SEMA3D: variants seen among roughly 807,000 people sequenced by gnomAD.
SEMA3D encodes semaphorin-3D.
Under a neutral mutation model 100.1 loss-of-function variants are expected in SEMA3D, and 84 were observed. The observed-to-expected ratio is 0.84, with a 90% confidence interval of 0.70 to 1.01. SEMA3D has a LOEUF of 1.01. SEMA3D is among the 50% of genes least tolerant of loss of function. The pLI is 0.00. For synonymous variants in SEMA3D, 312 were observed against 320.7 expected, an observed-to-expected ratio of 0.97 and a Z score of 0.29; for missense variants, 875 against 934.1, an observed-to-expected ratio of 0.94 and a Z score of 0.82.
chr7:85,016,771 T>C (rs1383801486), intron 15 of SEMA3D, among the ~76,000 whole-genome samples: 1 of 149,432 alleles, frequency 6.7e-6, no homozygotes, highest in African/African-American at 2.5e-5. Flanking sequence ...TGTTTGTTTG[T>C]TTTCCTTTTC....
chr7:85,151,374 T>C (rs1426221918), intron 2 of SEMA3D, among the ~76,000 whole-genome samples: 2 of 151,954 alleles, frequency 1.3e-5, no homozygotes. Flanking sequence ...GTATAGAAGA[T>C]TTCTGGAAAT....
the SEMA3D span, among the ~76,000 whole-genome samples, chr7:85,201,353 C>T: frequency 2.0e-5 from 3 of 152,166 alleles, no homozygotes; most frequent in African/African-American, 7.2e-5. Flanking sequence ...TGCTGTGACT[C>T]TTCTCAGTAA....
chr7:85,180,904 G>T (rs973243867), intron 1 of SEMA3D, among the ~76,000 whole-genome samples: 4 of 152,138 alleles, frequency 2.6e-5, no homozygotes, highest in Non-Finnish European at 4.4e-5. Context: ...GCGGAGAAGT[G>T]ATGACTTTCT....
At chr7:85,165,100 G>T (rs541005308) in intron 1 of SEMA3D, among the ~76,000 whole-genome samples, 68 of 151,726 alleles carry the variant, frequency 4.5e-4, no homozygotes, top group Admixed American at 1.9e-3. Flanking sequence ...GCAGTGTTTG[G>T]TTTTTTGTCC....
intron 12 of SEMA3D, among the ~76,000 whole-genome samples, chr7:85,032,570 T>G (rs2115923784): frequency 6.6e-6 from 1 of 152,172 alleles, no homozygotes; most frequent in Non-Finnish European, 1.5e-5. Flanking sequence ...AACATGTTAG[T>G]AGAAATGATT....
In SEMA3D at chr7:85,027,892, A is replaced by C. The variant is rs529326710; in HGVS notation, c.1192-5279T>G. On this transcript the variant is annotated intron_variant, in intron 12 of 18. Transcript: ENST00000284136. ...ACCTACTATTATATGGGTGTTTTCC[A>C]GCAAGGAAAAGTAGAGATAATTGCC... The C allele has an allele frequency of 4.9e-5, 28 of 575,252 alleles. 1 individual carries two copies. The Middle Eastern group carries it at 1.3e-3, about 27-fold the overall frequency. 35.6% of individuals were successfully genotyped at this position (575,252 alleles called of 1,614,324 possible). A position where few individuals can be genotyped will look rare whatever the true frequency, so the allele number is the denominator to read the frequency against.
At position 85,134,507 on chromosome 7, in the gene SEMA3D, C is replaced by G. The variant is rs41372944; in HGVS notation, c.-40-12576G>C. Among the ~76,000 whole-genome samples the G allele has an allele frequency of 0.019, 2,963 of 151,978 alleles. 261 individuals carry two copies. In the East Asian group the frequency reaches 0.21, roughly 11 times the overall value. Reference sequence around the variant, plus strand: ...AAAATAACAGTTTAAAATATATTTCCAAGTGATAAGTAGATCATTCCCTAA... The same window carrying G: ...AAAATAACAGTTTAAAATATATTTCGAAGTGATAAGTAGATCATTCCCTAA... On this transcript the variant is annotated intron_variant, in intron 2 of 18. Transcript: ENST00000284136.
At chr7:85,157,747 C>T (rs962834353) in intron 1 of SEMA3D, 3 of 462,900 alleles carry the variant, frequency 6.5e-6, no homozygotes, top group African/African-American at 6.3e-5. Context: ...ACCCAACAGT[C>T]TTCACGTTTT....
the SEMA3D span, among the ~76,000 whole-genome samples, chr7:85,240,521 T>C: frequency 0.082 from 12,446 of 152,174 alleles, 1,290 homozygotes; most frequent in African/African-American, 0.24. Flanking sequence ...AGTTTGGAAG[T>C]ATTCCCCTCT....
At chr7:85,131,487 T>G (rs528773177) in intron 2 of SEMA3D, among the ~76,000 whole-genome samples, 8 of 152,140 alleles carry the variant, frequency 5.3e-5, no homozygotes, top group Admixed American at 2.6e-4. Context: ...TAACCTCATA[T>G]AAAACTTTAA....
At chr7:85,228,332 A>G in the SEMA3D span, among the ~76,000 whole-genome samples, 1 of 152,168 alleles carries the variant, frequency 6.6e-6, no homozygotes, top group Non-Finnish European at 1.5e-5. Flanking sequence ...GATATTTTCT[A>G]CACTATGCCA....
chr7:85,235,359 C>T, the SEMA3D span, among the ~76,000 whole-genome samples: 1 of 152,010 alleles, frequency 6.6e-6, no homozygotes, highest in Non-Finnish European at 1.5e-5. Context: ...ATTGGGTGCT[C>T]TTGTCTTATT....
intron 1 of SEMA3D, among the ~76,000 whole-genome samples, chr7:85,166,043 C>T (rs1332586785): frequency 6.6e-6 from 1 of 151,854 alleles, no homozygotes; most frequent in East Asian, 1.9e-4. Context: ...GAGGAAGGTG[C>T]CAAGAATACG....
At chr7:85,201,746 T>C in the SEMA3D span, among the ~76,000 whole-genome samples, 2 of 151,480 alleles carry the variant, frequency 1.3e-5, no homozygotes, top group African/African-American at 4.8e-5. Flanking sequence ...AGAGAGGGTC[T>C]CTCTCTCTCT....
chr7:85,073,204 T>G, intron 5 of SEMA3D, 123 bp from the exon 6 acceptor site: 1 of 882,254 alleles, frequency 1.1e-6, no homozygotes, highest in Non-Finnish European at 1.8e-6. Context: ...GAAAAAAGAT[T>G]TATGAGAAAT....
chr7:85,043,875 AT>A (rs1035643195), intron 9 of SEMA3D, among the ~76,000 whole-genome samples: 11 of 151,902 alleles, frequency 7.2e-5, no homozygotes, highest in African/African-American at 7.2e-5. Context: ...AATTAAACCT[AT>A]TTTTTTTAAT....
intron 12 of SEMA3D, among the ~76,000 whole-genome samples, chr7:85,036,095 G>C (rs531202456): frequency 6.6e-6 from 1 of 151,762 alleles, no homozygotes; most frequent in Admixed American, 6.6e-5. Flanking sequence ...TAAACCTCTT[G>C]GTAGTAATAT....
At chr7:85,213,469 T>G in the SEMA3D span, among the ~76,000 whole-genome samples, 2 of 152,072 alleles carry the variant, frequency 1.3e-5, no homozygotes, top group African/African-American at 4.8e-5. Context: ...TACTTTCCAA[T>G]AAGTTTTAAG....
At chr7:85,141,524 A>G (rs1790052315) in intron 2 of SEMA3D, 11 of 985,038 alleles carry the variant, frequency 1.1e-5, no homozygotes, top group Non-Finnish European at 1.3e-5. Context: ...GCCCTACATG[A>G]ATGACCACAA....
Sources: gnomAD v4.1 joint callset for allele counts (sites outside exome capture counted in the v4.1 genomes callset) on GRCh38, gnomAD v4.1.1 for gene constraint, MANE v1.5 for transcripts, NCBI Gene and HGNC (gene_info 2026-07-23, HGNC 2026-07-21) for gene names.